Variants in ARB2A observed in about 807,000 individuals in gnomAD.
ARB2A encodes the protein cotranscriptional regulator ARB2A.
the ARB2A span, among the ~76,000 whole-genome samples, chr5:94,058,108 C>T: frequency 2.0e-5 from 3 of 151,746 alleles, no homozygotes; most frequent in Admixed American, 6.6e-5. Context: ...ATATGTATGC[C>T]TATTAGCCCT....
the ARB2A span, among the ~76,000 whole-genome samples, chr5:93,641,781 C>T: frequency 6.6e-6 from 1 of 152,054 alleles, no homozygotes; most frequent in Non-Finnish European, 1.5e-5. Context: ...AAAAATACAG[C>T]AGTAAAGCTA....
At chr5:94,049,035 T>C in the ARB2A span, among the ~76,000 whole-genome samples, 60 of 152,346 alleles carry the variant, frequency 3.9e-4, 1 homozygote, top group African/African-American at 1.4e-3. Flanking sequence ...TTTACTACTC[T>C]ATTTAAAAAC....
At chr5:94,012,994 T>C in the ARB2A span, among the ~76,000 whole-genome samples, 1 of 152,122 alleles carries the variant, frequency 6.6e-6, no homozygotes, top group Non-Finnish European at 1.5e-5. Context: ...AGTTATCTCC[T>C]CATGACTCCT....
chr5:93,676,093 T>C, the ARB2A span, among the ~76,000 whole-genome samples: 1 of 152,218 alleles, frequency 6.6e-6, no homozygotes, highest in African/African-American at 2.4e-5. Context: ...TGCTACATTA[T>C]GCATATAATT....
the ARB2A span, among the ~76,000 whole-genome samples, chr5:94,017,067 A>G: frequency 6.6e-6 from 1 of 152,254 alleles, no homozygotes; most frequent in African/African-American, 2.4e-5. Context: ...GAGAAGCCAG[A>G]GGGCAAGATC....
At chr5:94,017,825 C>A in the ARB2A span, among the ~76,000 whole-genome samples, 32 of 152,236 alleles carry the variant, frequency 2.1e-4, no homozygotes, top group African/African-American at 5.5e-4. Context: ...TTGGCTGTGT[C>A]CCCAACCAAA....
the ARB2A span, among the ~76,000 whole-genome samples, chr5:93,883,079 T>C: frequency 2.6e-5 from 4 of 151,588 alleles, no homozygotes; most frequent in East Asian, 3.9e-4. Context: ...TTTTAAACAG[T>C]TGATTTCACA....
the ARB2A span, among the ~76,000 whole-genome samples, chr5:93,710,434 T>C: frequency 6.6e-6 from 1 of 152,212 alleles, no homozygotes; most frequent in Non-Finnish European, 1.5e-5. Context: ...TTATGATTAA[T>C]GTACAAAATG....
chr5:94,003,691 G>GA, the ARB2A span, among the ~76,000 whole-genome samples: 1 of 151,358 alleles, frequency 6.6e-6, no homozygotes, highest in Non-Finnish European at 1.5e-5. Flanking sequence ...AAATCCTGGT[G>GA]AAAAAAAATA....
the ARB2A span, among the ~76,000 whole-genome samples, chr5:93,801,778 A>G: frequency 6.6e-6 from 1 of 152,112 alleles, no homozygotes; most frequent in East Asian, 1.9e-4. Context: ...AGCGGGTGTC[A>G]GCAAGCCCTA....
chr5:94,011,487 G>T, the ARB2A span, among the ~76,000 whole-genome samples: 6 of 152,080 alleles, frequency 3.9e-5, no homozygotes, highest in African/African-American at 1.2e-4. Context: ...AATACTGCCT[G>T]ATAGAGAGTA....
At chr5:93,677,901 C>T in the ARB2A span, among the ~76,000 whole-genome samples, 8 of 152,294 alleles carry the variant, frequency 5.3e-5, no homozygotes, top group African/African-American at 1.7e-4. Context: ...ACTTCTACCT[C>T]TTACCCACTG....
chr5:93,772,613 A>T, the ARB2A span, among the ~76,000 whole-genome samples: 1 of 152,202 alleles, frequency 6.6e-6, no homozygotes, highest in Non-Finnish European at 1.5e-5. Context: ...AACACAGCTG[A>T]GTGATATTAG....
chr5:94,018,290 G>A, the ARB2A span, among the ~76,000 whole-genome samples: 1 of 152,150 alleles, frequency 6.6e-6, no homozygotes, highest in African/African-American at 2.4e-5. Flanking sequence ...CTCAGTGACT[G>A]ATCTTACAAA....
At chr5:93,791,564 C>G in the ARB2A span, among the ~76,000 whole-genome samples, 123 of 152,310 alleles carry the variant, frequency 8.1e-4, no homozygotes, top group Non-Finnish European at 1.3e-3. Context: ...GTCTCACACC[C>G]TGGTTAGGTA....
At chr5:93,930,328 T>C in the ARB2A span, among the ~76,000 whole-genome samples, 1 of 152,190 alleles carries the variant, frequency 6.6e-6, no homozygotes, top group Middle Eastern at 3.2e-3. Context: ...GAAGTTGTAT[T>C]TGATGCAGTA....
the ARB2A span, among the ~76,000 whole-genome samples, chr5:93,848,624 G>C: frequency 1.3e-5 from 2 of 152,056 alleles, no homozygotes; most frequent in Non-Finnish European, 2.9e-5. Flanking sequence ...AATAAAATGT[G>C]ACTAAGTATC....
chr5:93,632,233 G>A, the ARB2A span, among the ~76,000 whole-genome samples: 6 of 152,318 alleles, frequency 3.9e-5, no homozygotes, highest in Admixed American at 3.3e-4. Flanking sequence ...GGGAGGATGA[G>A]GTGGGAAGGA....
the ARB2A span, among the ~76,000 whole-genome samples, chr5:94,102,191 T>C: frequency 2.7e-5 from 4 of 150,898 alleles, no homozygotes; most frequent in Non-Finnish European, 5.9e-5. Flanking sequence ...GCTGAAATTA[T>C]AGACATAGAA....
Sources: gnomAD v4.1 joint callset for allele counts (sites outside exome capture counted in the v4.1 genomes callset) on GRCh38, gnomAD v4.1.1 for gene constraint, MANE v1.5 for transcripts, NCBI Gene and HGNC (gene_info 2026-07-23, HGNC 2026-07-21) for gene names.